Variants in SUMO3 observed in about 807,000 individuals in gnomAD.
SUMO3 encodes the protein small ubiquitin like modifier 3, also known as small ubiquitin-related modifier 3.
SUMO3 carries 2 observed loss-of-function variants against 11.1 expected under a neutral mutation model. The observed-to-expected ratio is 0.18, with a 90% CI of 0.07 to 0.57. The LOEUF is 0.57. Among genes scored for constraint, SUMO3 ranks in the 20% least tolerant of loss-of-function variants. The probability of loss-of-function intolerance (pLI) is 0.92; values close to 1 mark genes in which losing one functional copy is unlikely to be tolerated. For synonymous variants in SUMO3, 56 were observed against 53.5 expected (o/e 1.05, Z -0.20); for missense variants, 70 against 132.8 (o/e 0.53, Z 2.32).
chr21:44,809,221 G>A (rs2083196082), intron 2 of SUMO3, 103 bp from the exon 3 acceptor site: 3 of 1,152,400 alleles, frequency 2.6e-6, no homozygotes, highest in Admixed American at 2.0e-5. Flanking sequence ...GAAAAGCAGT[G>A]GCCATTAAAC....
rs1183641690 is a variant in SUMO3 at position 44,806,352 on chromosome 21, C to T, written c.*599G>A. On this transcript the variant is annotated 3_prime_UTR_variant, in exon 4 of 4. Coordinates refer to ENST00000332859, the MANE Select transcript of SUMO3 (RefSeq NM_006936.3). ...CCAGAGAGCACGTGGGGTCAAATTA[C>T]CAAAAGACTCGGTTATTTTTTAACC... The T allele has an allele frequency of 6.6e-6, 1 of 152,466 alleles. No homozygotes were observed. The highest frequency in any genetic ancestry group is 1.5e-5 in the Non-Finnish European group (1 of 68,278). 9.4% of individuals were successfully genotyped at this position (152,466 alleles called of 1,614,324 possible). A position where few individuals can be genotyped will look rare whatever the true frequency, so the allele number is the denominator to read the frequency against.
intron 2 of SUMO3, chr21:44,813,446 G>C (rs577864011): frequency 4.6e-6 from 1 of 215,194 alleles, no homozygotes; most frequent in Non-Finnish European, 9.5e-6. Flanking sequence ...GGCACTGCCA[G>C]TGGGGCAGCT....
intron 1 of SUMO3, among the ~76,000 whole-genome samples, chr21:44,816,024 G>C (rs1293594566): frequency 6.6e-6 from 1 of 152,190 alleles, no homozygotes; most frequent in Non-Finnish European, 1.5e-5. Context: ...GAGCCCCAGA[G>C]GGCAGAGCTG....
intron 2 of SUMO3, among the ~76,000 whole-genome samples, chr21:44,812,085 G>T (rs926192825): frequency 5.2e-5 from 5 of 96,894 alleles, no homozygotes; most frequent in Non-Finnish European, 7.8e-5. Context: ...TTGAGACAGG[G>T]TCTTGCTCTG....
chr21:44,812,545 C>G (rs1450872045), intron 2 of SUMO3, among the ~76,000 whole-genome samples: 7 of 152,164 alleles, frequency 4.6e-5, no homozygotes, highest in Admixed American at 1.3e-4. Context: ...AGACGCTGCC[C>G]TTCTGTGCCC....
chr21:44,811,094 CCA>C lies in SUMO3; in HGVS notation c.151-1978_151-1977del, dbSNP rs1569308309. On this transcript the variant is annotated intron_variant, in intron 2 of 3. Transcript: ENST00000332859. This position sits in a 1 kb window ranked among gnomAD's most constrained non-coding sequence, Gnocchi z 5.0. ...CACACGAATGCACACATGCACACAC[CCA>C]CATACACACACATGCACACACCCAC... Among the ~76,000 whole-genome samples the C allele has an allele frequency of 1.4e-5, 2 of 140,412 alleles. No individual in the cohort carries two copies. Among genetic ancestry groups the C allele is most frequent in the Non-Finnish European group, 3.1e-5 (2 of 64,682 alleles). 92.1% of individuals were successfully genotyped at this position (140,412 alleles called of 152,430 possible).
intron 3 of SUMO3, chr21:44,808,385 C>T (rs1294805330): frequency 1.8e-5 from 12 of 657,934 alleles, no homozygotes; most frequent in Admixed American, 1.2e-4. Context: ...TGGTGGTGGG[C>T]ACCTATAGTC....
At chr21:44,809,949 C>A (rs989874904) in intron 2 of SUMO3, among the ~76,000 whole-genome samples, 2 of 152,162 alleles carry the variant, frequency 1.3e-5, no homozygotes, top group South Asian at 2.1e-4. Flanking sequence ...CTACTTCCCC[C>A]CTTTACAAAG....
At position 44,817,993 on chromosome 21, in the gene SUMO3, C is replaced by G. The variant is rs1472229287; in HGVS notation, c.-25G>C. On this transcript the variant is annotated 5_prime_UTR_variant, in exon 1 of 4. Transcript: ENST00000332859. ...TGGCTGCGCGAGCGGCGCGGGGAGG[C>G]GGCGCGGGGGAAGCAGCGCGGAGCG... The G allele has an allele frequency of 1.7e-6, 2 of 1,147,604 alleles. No individual in the cohort carries two copies. Among genetic ancestry groups the G allele is most frequent in the East Asian group, 7.7e-5 (2 of 25,984 alleles). The allele number at this position is 1,147,604 out of a possible 1,614,324, so 71.1% of individuals were successfully genotyped here.
Position 44,811,130 on chromosome 21 carries a change from A to C in SUMO3, c.151-2012T>G, listed in dbSNP as rs1177785355. Among the ~76,000 whole-genome samples the C allele has an allele frequency of 2.7e-5, 4 of 150,800 alleles. No individual in the cohort carries two copies. Among genetic ancestry groups the C allele is most frequent in the African/African-American group, 9.8e-5 (4 of 40,940 alleles). ...CACATGCACACACCCACATATACAC[A>C]CAGGCACACACCCACACATACACAC... On this transcript the variant is annotated intron_variant, in intron 2 of 3. Transcript: ENST00000332859. This position sits in a 1 kb window ranked among gnomAD's most constrained non-coding sequence, Gnocchi z 5.0.
chr21:44,816,971 G>A, intron 1 of SUMO3, among the ~76,000 whole-genome samples: 1 of 127,380 alleles, frequency 7.9e-6, no homozygotes, highest in Non-Finnish European at 1.7e-5. Flanking sequence ...GGGGTGTGAT[G>A]GAAAGGGGGA....
In SUMO3 at chr21:44,810,610, T is replaced by C. The variant is rs879371043; in HGVS notation, c.151-1492A>G. Among the ~76,000 whole-genome samples the C allele has an allele frequency of 2.2e-4, 33 of 152,188 alleles. No homozygotes were observed. Among genetic ancestry groups the C allele is most frequent in the Non-Finnish European group, 4.1e-4 (28 of 68,032 alleles). On this transcript the variant is annotated intron_variant, in intron 2 of 3. Coordinates refer to ENST00000332859, the MANE Select transcript of SUMO3 (RefSeq NM_006936.3). This position sits in a 1 kb window ranked among gnomAD's most constrained non-coding sequence, Gnocchi z 4.1. ...CGCCAAGTCCCCTCTCCCCTCCAGA[T>C]GCGCCTCCAGGAGGCTGGCCGGAGC...
Position 44,812,246 on chromosome 21 carries a change from C to T in SUMO3, c.150+1730G>A, listed in dbSNP as rs539905959. Among the ~76,000 whole-genome samples the T allele has an allele frequency of 2.8e-4, 42 of 151,634 alleles. No individual in the cohort carries two copies. In the South Asian group the frequency reaches 8.6e-3, roughly 31 times the overall value. The stretch of plus-strand genomic sequence containing the variant: ...TAATTTTTTTAATGTTTCGTAGAGA[C>T]AGGGTCTCCCTGTGTTGCCCAGGCT... On this transcript the variant is annotated intron_variant, in intron 2 of 3. Transcript: ENST00000332859.
chr21:44,814,932 G>T (rs916701027), intron 1 of SUMO3, among the ~76,000 whole-genome samples: 1 of 152,254 alleles, frequency 6.6e-6, no homozygotes, highest in South Asian at 2.1e-4. Flanking sequence ...GATGTCAAGA[G>T]ACTGGGAGCC....
intron 2 of SUMO3, among the ~76,000 whole-genome samples, chr21:44,812,718 G>A (rs1337896965): frequency 6.6e-6 from 1 of 152,246 alleles, no homozygotes; most frequent in East Asian, 1.9e-4. Context: ...AGTGCAGGTG[G>A]GGCAGGAGGG....
Position 44,818,021 on chromosome 21 carries a change from C to A in SUMO3, c.-53G>T. 5.1e-6 allele frequency: 6 copies of A among 1,169,068 alleles called. No homozygotes were observed. The South Asian group carries it at 2.5e-4, about 49-fold the overall frequency. The allele number at this position is 1,169,068 out of a possible 1,614,324, so 72.4% of individuals were successfully genotyped here. On this transcript the variant is annotated 5_prime_UTR_variant, in exon 1 of 4. Coordinates refer to ENST00000332859, the MANE Select transcript of SUMO3 (RefSeq NM_006936.3). ...CGCGGGGGAAGCAGCGCGGAGCGGG[C>A]GAGTCACGCTCTCGGCCCCGCCGCT...
intron 2 of SUMO3, chr21:44,813,477 A>C: frequency 1.7e-5 from 4 of 236,888 alleles, no homozygotes; most frequent in Admixed American, 5.0e-5. Flanking sequence ...AAACTGGGGA[A>C]GAAGGGGAAA....
In SUMO3 at chr21:44,807,932, G is replaced by A. The variant is rs996288134; in HGVS notation, c.223-892C>T. Among the ~76,000 whole-genome samples the A allele has an allele frequency of 6.6e-6, 1 of 152,242 alleles. No homozygotes were observed. Among genetic ancestry groups the A allele is most frequent in the Non-Finnish European group, 1.5e-5 (1 of 68,050 alleles). On this transcript the variant is annotated intron_variant, in intron 3 of 3. Coordinates refer to ENST00000332859, the MANE Select transcript of SUMO3 (RefSeq NM_006936.3). This position sits in a 1 kb window ranked among gnomAD's most constrained non-coding sequence, Gnocchi z 4.3. Reference sequence around the variant, plus strand: ...TCCCAGAGCTGCCACTGCCTCAGCGGTGTGTAGGTTTCCTCAAGTAGGTAC... The same window carrying A: ...TCCCAGAGCTGCCACTGCCTCAGCGATGTGTAGGTTTCCTCAAGTAGGTAC...
chr21:44,809,029 G>A lies in SUMO3; in HGVS notation c.222+18C>T, dbSNP rs984404892. On this transcript the variant is annotated intron_variant, in intron 3 of 3. Transcript: ENST00000332859. ...AAATCGGAAGTCGCCCTGGAACCAC[G>A]CGAAGCCAGCTCCGTACCTGTGCTG... 9.9e-6 allele frequency: 16 copies of A among 1,613,012 alleles called. No homozygotes were observed. Among genetic ancestry groups the A allele is most frequent in the Admixed American group, 6.7e-5 (4 of 60,006 alleles).
Sources: allele counts gnomAD v4.1 joint callset (sites outside exome capture counted in the v4.1 genomes callset), GRCh38; gene constraint gnomAD v4.1.1; non-coding constraint Gnocchi (gnomAD v3.1); transcripts MANE v1.5; gene names NCBI Gene and HGNC (gene_info 2026-07-23, HGNC 2026-07-21).